Variants in SGPP2 observed in about 807,000 individuals in gnomAD.
The protein encoded by SGPP2 is sphingosine 1-phosphate phosphohydrolase 2.
SGPP2 carries 30 observed loss-of-function variants against 33.9 expected under a neutral mutation model. The ratio of observed to expected loss-of-function variants is 0.89; its 90% CI spans 0.66 to 1.20. SGPP2 has a LOEUF of 1.20. Among genes scored for constraint, SGPP2 ranks in the 50% most tolerant of loss-of-function variants. The pLI, the probability that SGPP2 is intolerant of heterozygous loss-of-function variation, is 0.00. For synonymous variants in SGPP2, 233 were observed against 225.0 expected, an observed-to-expected ratio of 1.04 and a Z score of -0.32; for missense variants, 458 against 532.1, an observed-to-expected ratio of 0.86 and a Z score of 1.37.
chr2:222,558,518 C>A lies in SGPP2; in HGVS notation c.820C>A (p.Arg274=). ...TGTTTCTGATTACTACAGCCCAACC[C>A]GGGCGGACACCACCACCATTCTGGC... ...YPVSDYYSPT[R]ADTTTILAAG... The change falls in exon 5 of 5, where the codon CGG becomes AGG. Residue 274 remains arginine, a synonymous_variant. Coordinates refer to ENST00000321276, the MANE Select transcript of SGPP2 (RefSeq NM_152386.4). 6.2e-7 allele frequency: 1 copy of A among 1,614,216 alleles called. No individual in the cohort carries two copies. Among genetic ancestry groups the A allele is most frequent in the Non-Finnish European group, 8.5e-7 (1 of 1,180,032 alleles).
At chr2:222,435,033 TATATGTGTATATATATACACAC>T (rs990417390) in intron 1 of SGPP2, among the ~76,000 whole-genome samples, 6 of 151,250 alleles carry the variant, frequency 4.0e-5, no homozygotes, top group African/African-American at 1.5e-4. Flanking sequence ...TGTGTGTATA[TATATGTGTATATATATACACAC>T]ATATACACAT....
chr2:222,427,725 T>G (rs1171716179), intron 1 of SGPP2, among the ~76,000 whole-genome samples: 1 of 152,250 alleles, frequency 6.6e-6, no homozygotes, highest in African/African-American at 2.4e-5. Flanking sequence ...ACTTTAGATC[T>G]TAATGAATCT....
At chr2:222,436,408 T>C (rs1280784037) in intron 1 of SGPP2, among the ~76,000 whole-genome samples, 1 of 152,182 alleles carries the variant, frequency 6.6e-6, no homozygotes, top group Non-Finnish European at 1.5e-5. Flanking sequence ...GTACCATATA[T>C]TGGACACTGA....
At position 222,460,976 on chromosome 2, in the gene SGPP2, A is replaced by G. The variant is rs1697650332; in HGVS notation, c.220-13592A>G. On this transcript the variant is annotated intron_variant, in intron 1 of 4. Transcript: ENST00000321276. The surrounding 1 kb of genome is among the most constrained non-coding windows in gnomAD (Gnocchi z 4.3). ...CAGTGGCATGATAATAGCTCACTGC[A>G]GCCTTGAACCCCCAGGCTCAAACAC... Among the ~76,000 whole-genome samples, 2 of 152,168 alleles carry G rather than the reference A, an allele frequency of 1.3e-5. No homozygotes were observed. Among genetic ancestry groups the G allele is most frequent in the South Asian group, 4.1e-4 (2 of 4,826 alleles).
At chr2:222,490,269 G>A (rs914973050) in intron 2 of SGPP2, among the ~76,000 whole-genome samples, 5 of 152,086 alleles carry the variant, frequency 3.3e-5, no homozygotes, top group Non-Finnish European at 7.4e-5. Context: ...AAATATACTT[G>A]GTAAGTGGAA....
intron 1 of SGPP2, among the ~76,000 whole-genome samples, chr2:222,441,036 T>G (rs1697318150): frequency 6.6e-6 from 1 of 152,248 alleles, no homozygotes; most frequent in African/African-American, 2.4e-5. Flanking sequence ...GAGGGTTACT[T>G]TGTCCATGTG....
At chr2:222,554,024 T>C (rs1157474137) in intron 4 of SGPP2, among the ~76,000 whole-genome samples, 1 of 152,182 alleles carries the variant, frequency 6.6e-6, no homozygotes, top group African/African-American at 2.4e-5. Context: ...AGGGTCCTGA[T>C]CCCACTCGTG....
At chr2:222,525,155 A>C (rs1477465677) in intron 4 of SGPP2, 122 bp downstream of exon 4, 2 of 651,296 alleles carry the variant, frequency 3.1e-6, no homozygotes, top group East Asian at 5.7e-5. Context: ...ATTTCTCATC[A>C]TGCCAATGCA....
chr2:222,559,014 C>A lies in SGPP2; in HGVS notation c.*116C>A. 1 of 973,632 alleles carries A rather than the reference C, an allele frequency of 1.0e-6. No individual in the cohort carries two copies. Among genetic ancestry groups the A allele is most frequent in the Non-Finnish European group, 1.5e-6 (1 of 663,170 alleles). 60.3% of individuals were successfully genotyped at this position (973,632 alleles called of 1,614,324 possible). On this transcript the variant is annotated 3_prime_UTR_variant, in exon 5 of 5. Coordinates refer to ENST00000321276, the MANE Select transcript of SGPP2 (RefSeq NM_152386.4). ...TTAACAACAACAAAAAGTCATACGG[C>A]TGTCTTGCTACTACCAGATAAATGA...
chr2:222,542,829 T>C (rs1559174850), intron 4 of SGPP2, among the ~76,000 whole-genome samples: 1 of 151,676 alleles, frequency 6.6e-6, no homozygotes. Flanking sequence ...TTTTTTTTTT[T>C]CTTGAGACAA....
At chr2:222,439,984 ACT>A (rs1697300501) in intron 1 of SGPP2, among the ~76,000 whole-genome samples, 1 of 152,162 alleles carries the variant, frequency 6.6e-6, no homozygotes, top group Non-Finnish European at 1.5e-5. Flanking sequence ...ATATGGGACA[ACT>A]CTCTACTACC....
intron 1 of SGPP2, among the ~76,000 whole-genome samples, chr2:222,473,103 G>A (rs1397220522): frequency 6.6e-6 from 1 of 152,232 alleles, no homozygotes; most frequent in African/African-American, 2.4e-5. Context: ...ACCCAGGAGT[G>A]AGTGAATACA....
chr2:222,478,107 A>C (rs1266023345), intron 2 of SGPP2, among the ~76,000 whole-genome samples: 1 of 147,596 alleles, frequency 6.8e-6, no homozygotes, highest in Non-Finnish European at 1.5e-5. Flanking sequence ...CAGTGTGAGA[A>C]GCGTAAGGTA....
chr2:222,486,535 T>C (rs968988339), intron 2 of SGPP2, among the ~76,000 whole-genome samples: 1 of 152,214 alleles, frequency 6.6e-6, no homozygotes, highest in African/African-American at 2.4e-5. Context: ...CTTCAGTGAG[T>C]ATGGACTATT....
At chr2:222,510,990 T>G (rs955607213) in intron 2 of SGPP2, among the ~76,000 whole-genome samples, 2 of 152,212 alleles carry the variant, frequency 1.3e-5, no homozygotes, top group African/African-American at 2.4e-5. Context: ...ATAATGTTAT[T>G]TCAAAATATT....
At chr2:222,486,749 T>C (rs1698116320) in intron 2 of SGPP2, among the ~76,000 whole-genome samples, 1 of 152,130 alleles carries the variant, frequency 6.6e-6, no homozygotes, top group Non-Finnish European at 1.5e-5. Flanking sequence ...GAGCCTAGAT[T>C]CGAACCAGTA....
chr2:222,519,751 G>A (rs1244156560), intron 2 of SGPP2, among the ~76,000 whole-genome samples: 1 of 152,162 alleles, frequency 6.6e-6, no homozygotes, highest in African/African-American at 2.4e-5. Context: ...ATAGTTATAA[G>A]TGAGAACATG....
At chr2:222,540,772 T>C (rs1698982672) in intron 4 of SGPP2, among the ~76,000 whole-genome samples, 1 of 151,884 alleles carries the variant, frequency 6.6e-6, no homozygotes, top group Non-Finnish European at 1.5e-5. Flanking sequence ...TCATACATTA[T>C]ACATTTATTA....
intron 2 of SGPP2, among the ~76,000 whole-genome samples, chr2:222,511,825 T>TC (rs141360749): frequency 2.6e-5 from 4 of 151,902 alleles, no homozygotes; most frequent in Non-Finnish European, 5.9e-5. Context: ...CTACAGGTGT[T>TC]CCCCACCACA....
Sources: allele counts gnomAD v4.1 joint callset (sites outside exome capture counted in the v4.1 genomes callset), GRCh38; gene constraint gnomAD v4.1.1; non-coding constraint Gnocchi (gnomAD v3.1); transcripts MANE v1.5; gene names NCBI Gene and HGNC (gene_info 2026-07-23, HGNC 2026-07-21).